The following OCA2 variants were observed in gnomAD, a reference collection of about 807,000 sequenced individuals.
The protein encoded by OCA2 is OCA2 melanosomal transmembrane protein, also known as P protein.
In OCA2, 77 loss-of-function variants were observed where a neutral mutation model predicts 100.2. The ratio of observed to expected loss-of-function variants is 0.77; its 90% CI spans 0.64 to 0.93. The LOEUF is 0.93. Ranked by LOEUF, OCA2 falls within the 40% of genes least tolerant of loss-of-function variation. The probability of loss-of-function intolerance (pLI) is 0.00; values close to 1 mark genes in which losing one functional copy is unlikely to be tolerated. For missense variants in OCA2, 1,062 were observed against 1,089.1 expected, an observed-to-expected ratio of 0.98 and a Z score of 0.35; for synonymous variants, 432 against 439.2, an observed-to-expected ratio of 0.98 and a Z score of 0.21.
chr15:27,740,459 A>G, the OCA2 span, among the ~76,000 whole-genome samples: 1 of 152,050 alleles, frequency 6.6e-6, no homozygotes, highest in African/African-American at 2.4e-5. Flanking sequence ...TCCTGGGTCC[A>G]CTCGTGCATC....
intron 23 of OCA2, among the ~76,000 whole-genome samples, chr15:27,790,832 A>C (rs913196481): frequency 4.1e-5 from 6 of 146,258 alleles, no homozygotes; most frequent in Non-Finnish European, 7.4e-5. Flanking sequence ...TCTGTTGCCC[A>C]GGCTGAAGTA....
At chr15:27,723,223 GC>G in the OCA2 span, among the ~76,000 whole-genome samples, 2 of 151,822 alleles carry the variant, frequency 1.3e-5, no homozygotes, top group Non-Finnish European at 2.9e-5. Context: ...ATCCTCCTCT[GC>G]CCCCCCACTT....
intron 2 of OCA2, among the ~76,000 whole-genome samples, chr15:28,048,811 G>C (rs2043421142): frequency 6.6e-6 from 1 of 152,144 alleles, no homozygotes; most frequent in South Asian, 2.1e-4. Context: ...TTTGAGACCA[G>C]CCTGGGCAAC....
intron 19 of OCA2, among the ~76,000 whole-genome samples, chr15:27,890,692 A>G (rs2037419671): frequency 6.6e-6 from 1 of 152,190 alleles, no homozygotes; most frequent in Admixed American, 6.5e-5. Flanking sequence ...CTACCCTTAA[A>G]GATTGGCTAA....
At chr15:27,774,258 A>T (rs1452669962) in intron 23 of OCA2, among the ~76,000 whole-genome samples, 1 of 152,096 alleles carries the variant, frequency 6.6e-6, no homozygotes, top group African/African-American at 2.4e-5. Flanking sequence ...TGCATTCCAG[A>T]TGATGTCTCT....
chr15:27,825,311 G>A (rs904772130), intron 23 of OCA2, among the ~76,000 whole-genome samples: 2 of 152,176 alleles, frequency 1.3e-5, no homozygotes, highest in African/African-American at 2.4e-5. Context: ...GGAAGCACAC[G>A]TAGACACAGT....
intron 1 of OCA2, among the ~76,000 whole-genome samples, chr15:28,090,793 GA>G (rs1371944211): frequency 6.6e-6 from 1 of 151,696 alleles, no homozygotes; most frequent in Non-Finnish European, 1.5e-5. Flanking sequence ...AAAAGAAGAG[GA>G]AAATAAACCC....
intron 23 of OCA2, among the ~76,000 whole-genome samples, chr15:27,779,348 G>GA (rs2032414506): frequency 6.6e-6 from 1 of 152,144 alleles, no homozygotes; most frequent in Non-Finnish European, 1.5e-5. Flanking sequence ...ATCTATTATT[G>GA]AAAATGGAGT....
At chr15:27,770,237 C>T (rs561527200) in intron 23 of OCA2, among the ~76,000 whole-genome samples, 468 of 152,042 alleles carry the variant, frequency 3.1e-3, no homozygotes, top group African/African-American at 0.011. Context: ...GCGTTCAGGG[C>T]GGGGGCTCCG....
intron 9 of OCA2, among the ~76,000 whole-genome samples, chr15:28,003,838 G>A (rs1183354133): frequency 1.3e-5 from 2 of 152,332 alleles, no homozygotes; most frequent in South Asian, 2.1e-4. Context: ...CCTTCCAAGG[G>A]CCACCCCACG....
At chr15:27,825,376 C>T (rs2034679171) in intron 23 of OCA2, among the ~76,000 whole-genome samples, 1 of 152,194 alleles carries the variant, frequency 6.6e-6, no homozygotes, top group Non-Finnish European at 1.5e-5. Flanking sequence ...TCAGCAGGGA[C>T]AGCAGAAATG....
chr15:27,784,217 G>A (rs536882952), intron 23 of OCA2, among the ~76,000 whole-genome samples: 2 of 152,270 alleles, frequency 1.3e-5, no homozygotes, highest in African/African-American at 2.4e-5. Flanking sequence ...AAGTGAGGAC[G>A]GAAAACACAT....
At chr15:27,824,185 TG>T (rs2034611267) in intron 23 of OCA2, among the ~76,000 whole-genome samples, 1 of 152,130 alleles carries the variant, frequency 6.6e-6, no homozygotes, top group African/African-American at 2.4e-5. Flanking sequence ...CTGGCTAACA[TG>T]GCAAAACTCC....
chr15:28,081,495 T>A (rs1438471983), intron 2 of OCA2, among the ~76,000 whole-genome samples, 153 bp downstream of exon 2: 3 of 152,202 alleles, frequency 2.0e-5, no homozygotes, highest in Admixed American at 6.5e-5. Context: ...ATATCAGTCA[T>A]CAAAAACTAA....
chr15:28,009,621 C>G (rs114783940), intron 9 of OCA2, among the ~76,000 whole-genome samples: 2,034 of 151,432 alleles, frequency 0.013, 43 homozygotes, highest in African/African-American at 0.047. Flanking sequence ...CCACAAGGCG[C>G]AGGTTGCAGT....
At chr15:27,727,636 A>G in the OCA2 span, among the ~76,000 whole-genome samples, 1 of 152,222 alleles carries the variant, frequency 6.6e-6, no homozygotes, top group South Asian at 2.1e-4. Context: ...AAGGCACGTA[A>G]AATCATCCAG....
intron 19 of OCA2, among the ~76,000 whole-genome samples, chr15:27,898,350 GT>G (rs2037793491): frequency 6.6e-6 from 1 of 152,200 alleles, no homozygotes; most frequent in Non-Finnish European, 1.5e-5. Context: ...ACAGTGGGAG[GT>G]GATTAAATTA....
chr15:27,737,404 ACAT>A, the OCA2 span, among the ~76,000 whole-genome samples: 9 of 152,388 alleles, frequency 5.9e-5, no homozygotes, highest in Admixed American at 3.3e-4. Context: ...ATATCTGGAC[ACAT>A]CATAAAACTG....
At chr15:27,823,818 G>A (rs1412832085) in intron 23 of OCA2, among the ~76,000 whole-genome samples, 20 of 152,070 alleles carry the variant, frequency 1.3e-4, no homozygotes, top group Non-Finnish European at 2.9e-5. Context: ...ATGCAATGTT[G>A]ACTTATTTTC....
Sources: gnomAD v4.1 joint callset for allele counts (sites outside exome capture counted in the v4.1 genomes callset) on GRCh38, gnomAD v4.1.1 for gene constraint, MANE v1.5 for transcripts, NCBI Gene and HGNC (gene_info 2026-07-23, HGNC 2026-07-21) for gene names.